SPIDR: variants seen among roughly 807,000 people sequenced by gnomAD.
SPIDR encodes the protein DNA repair-scaffolding protein.
SPIDR carries 93 observed loss-of-function variants against 104.6 expected under a neutral mutation model. The observed-to-expected ratio is 0.89, with a 90% confidence interval of 0.75 to 1.06. The LOEUF (loss-of-function observed/expected upper bound fraction) is 1.06, where lower values mean the gene tolerates loss of function less well. Ranked by LOEUF, SPIDR falls within the 50% of genes least tolerant of loss-of-function variation. SPIDR has a pLI of 0.00. For synonymous variants in SPIDR, 431 were observed against 416.9 expected (o/e 1.03, Z -0.41); for missense variants, 1,154 against 1,111.2 (o/e 1.04, Z -0.55).
At chr8:47,473,790 A>G (rs782504011) in intron 8 of SPIDR, among the ~76,000 whole-genome samples, 11 of 152,130 alleles carry the variant, frequency 7.2e-5, no homozygotes, top group Non-Finnish European at 1.0e-4. Context: ...TGGAAATTAG[A>G]TCCCAACTGA....
chr8:47,373,370 G>T (rs1010902742), intron 5 of SPIDR, among the ~76,000 whole-genome samples: 10 of 152,254 alleles, frequency 6.6e-5, no homozygotes, highest in African/African-American at 2.4e-4. Flanking sequence ...AGAAAATTGG[G>T]CATATGGTTG....
At chr8:47,390,587 C>A (rs1554651169) in intron 5 of SPIDR, among the ~76,000 whole-genome samples, 2 of 146,460 alleles carry the variant, frequency 1.4e-5, no homozygotes, top group Admixed American at 6.7e-5. Context: ...TCAACCATAC[C>A]ATTAAAAAAA....
intron 8 of SPIDR, among the ~76,000 whole-genome samples, chr8:47,474,724 T>A (rs1554722799): frequency 1.3e-5 from 2 of 152,084 alleles, no homozygotes; most frequent in African/African-American, 4.8e-5. Flanking sequence ...ATCCTAAGGG[T>A]TTTTTAAAGA....
At chr8:47,498,508 T>C (rs562581457) in intron 8 of SPIDR, among the ~76,000 whole-genome samples, 2 of 152,324 alleles carry the variant, frequency 1.3e-5, no homozygotes, top group South Asian at 4.1e-4. Context: ...TTACAATGAA[T>C]GCTTTCAGTG....
chr8:47,673,661 G>C, intron 10 of SPIDR, 140 bp from the exon 11 acceptor site: 1 of 1,144,430 alleles, frequency 8.7e-7, no homozygotes, highest in Non-Finnish European at 1.3e-6. Context: ...TTCCCCCCTT[G>C]GTTTTTCTTT....
intron 8 of SPIDR, among the ~76,000 whole-genome samples, chr8:47,457,712 TAC>T (rs1380811892): frequency 2.0e-5 from 3 of 152,186 alleles, no homozygotes; most frequent in African/African-American, 4.8e-5. Context: ...CTGGAAATTT[TAC>T]AGTTTCAGGT....
intron 5 of SPIDR, among the ~76,000 whole-genome samples, chr8:47,301,196 T>C (rs1263996354): frequency 6.6e-6 from 1 of 152,230 alleles, no homozygotes; most frequent in African/African-American, 2.4e-5. Context: ...TTTACCATTA[T>C]GAAATGGCCT....
In SPIDR at chr8:47,298,537, G is replaced by C. The variant is rs1260861170; in HGVS notation, c.525+4507G>C. 1.5e-4 allele frequency among the ~76,000 whole-genome samples: 23 copies of C among 152,278 alleles called. No homozygotes were observed. The South Asian group carries it at 4.8e-3, about 32-fold the overall frequency. On this transcript the variant is annotated intron_variant, in intron 5 of 19. Coordinates refer to ENST00000297423, the MANE Select transcript of SPIDR (RefSeq NM_001080394.4). ...ACATGAAGTCCTTGCCCATGCCTGT[G>C]TCCTGAATGGTATTGCCTAGGTTTT... is the stretch of plus-strand genomic sequence containing the variant.
chr8:47,307,496 GGT>G (rs1307054768), intron 5 of SPIDR, among the ~76,000 whole-genome samples: 1 of 149,770 alleles, frequency 6.7e-6, no homozygotes, highest in Non-Finnish European at 1.5e-5. Context: ...TGGGATTACA[GGT>G]GTGAGCCACC....
At chr8:47,671,130 G>A (rs1038008212) in intron 10 of SPIDR, among the ~76,000 whole-genome samples, 2 of 151,902 alleles carry the variant, frequency 1.3e-5, no homozygotes, top group Admixed American at 6.6e-5. Context: ...GGCTAATCTC[G>A]AACTCCTAGA....
At chr8:47,358,181 G>T (rs904076688) in intron 5 of SPIDR, among the ~76,000 whole-genome samples, 6 of 152,124 alleles carry the variant, frequency 3.9e-5, no homozygotes, top group African/African-American at 7.2e-5. Context: ...CTCCTCCTGG[G>T]CTCAAGGAAT....
intron 11 of SPIDR, among the ~76,000 whole-genome samples, chr8:47,683,783 G>T (rs1013364525): frequency 2.0e-5 from 3 of 152,024 alleles, no homozygotes; most frequent in African/African-American, 7.2e-5. Flanking sequence ...GTTGTTCAGG[G>T]CCAAGTGTTA....
chr8:47,387,001 G>A (rs1189223880), intron 5 of SPIDR, among the ~76,000 whole-genome samples: 1 of 152,046 alleles, frequency 6.6e-6, no homozygotes, highest in Non-Finnish European at 1.5e-5. Flanking sequence ...TGTTGCCCCA[G>A]CCCCAGCACT....
At chr8:47,306,638 T>A (rs2043138351) in intron 5 of SPIDR, among the ~76,000 whole-genome samples, 1 of 152,244 alleles carries the variant, frequency 6.6e-6, no homozygotes, top group Non-Finnish European at 1.5e-5. Context: ...TGAGGTCCTC[T>A]GTTTCCTTAC....
Position 47,275,818 on chromosome 8 carries a change from T to A in SPIDR, c.34-4044T>A, listed in dbSNP as rs563721739. ...GATGACTTTTTTCTATTTATTTTTT[T>A]AAATTTTCTGTGCGTGTGTTTTTTG... On this transcript the variant is annotated intron_variant, in intron 1 of 19. Coordinates refer to ENST00000297423, the MANE Select transcript of SPIDR (RefSeq NM_001080394.4). Among the ~76,000 whole-genome samples the A allele has an allele frequency of 4.0e-3, 606 of 152,308 alleles. 4 individuals are homozygous for A. The highest frequency in any genetic ancestry group is 0.022 in the South Asian group (106 of 4,830).
At chr8:47,721,642 T>C (rs902027071) in intron 16 of SPIDR, among the ~76,000 whole-genome samples, 1 of 152,042 alleles carries the variant, frequency 6.6e-6, no homozygotes. Flanking sequence ...CGGCTAATTT[T>C]TTTTTTGTAT....
intron 8 of SPIDR, among the ~76,000 whole-genome samples, chr8:47,461,800 G>T (rs1554713726): frequency 1.3e-5 from 2 of 151,720 alleles, no homozygotes; most frequent in African/African-American, 4.8e-5. Context: ...TTTCACTGAA[G>T]ATTTCTCCCC....
rs1183157885 is a variant in SPIDR, at chr8:47,260,942, A to T, written c.-17A>T. 3.3e-6 allele frequency: 4 copies of T among 1,227,966 alleles called. No homozygotes were observed. Among genetic ancestry groups the T allele is most frequent in the Non-Finnish European group, 4.1e-6 (4 of 985,300 alleles). 76.1% of individuals were successfully genotyped at this position (1,227,966 alleles called of 1,614,324 possible). A position where few individuals can be genotyped will look rare whatever the true frequency, so the allele number is the denominator to read the frequency against. On this transcript the variant is annotated 5_prime_UTR_variant, in exon 1 of 20. Coordinates refer to ENST00000297423, the MANE Select transcript of SPIDR (RefSeq NM_001080394.4). ...GGCGCGCTGAGGAGGCGGTGCGCTC[A>T]GGCGGCGCTCCCGGAGATGCCCCGC...
chr8:47,713,165 G>A (rs978933362), intron 15 of SPIDR: 31 of 698,760 alleles, frequency 4.4e-5, no homozygotes, highest in African/African-American at 8.9e-5. Flanking sequence ...TTATAAATGC[G>A]TATACTTAGA....
Sources: allele counts gnomAD v4.1 joint callset (sites outside exome capture counted in the v4.1 genomes callset), GRCh38; gene constraint gnomAD v4.1.1; transcripts MANE v1.5; gene names NCBI Gene and HGNC (gene_info 2026-07-23, HGNC 2026-07-21).